Variants in ANKS1B observed in about 807,000 individuals in gnomAD.
The protein encoded by ANKS1B is ankyrin repeat and sterile alpha motif domain-containing protein 1B.
In ANKS1B, 36 loss-of-function variants were observed where a neutral mutation model predicts 148.3. That is an observed-to-expected ratio of 0.24 (90% CI 0.19 to 0.32). The LOEUF (loss-of-function observed/expected upper bound fraction) is 0.32, where lower values mean the gene tolerates loss of function less well. Among genes scored for constraint, ANKS1B ranks in the 10% least tolerant of loss-of-function variants. ANKS1B has a pLI of 1.00. For missense variants in ANKS1B, 1,157 were observed against 1,542.6 expected (o/e 0.75, Z 4.19); for synonymous variants, 542 against 560.8 (o/e 0.97, Z 0.47).
intron 17 of ANKS1B, among the ~76,000 whole-genome samples, chr12:98,869,682 T>TGCACATACACACATACAC (rs71081887): frequency 3.2e-4 from 49 of 151,516 alleles, no homozygotes; most frequent in African/African-American, 1.0e-3. Context: ...GTGGAATGCA[T>TGCACATACACACATACAC]ACATATGTAT....
At chr12:99,465,517 G>C (rs1375659776) in intron 10 of ANKS1B, among the ~76,000 whole-genome samples, 6 of 151,922 alleles carry the variant, frequency 3.9e-5, no homozygotes, top group Non-Finnish European at 7.4e-5. Context: ...AAAGAGTCAA[G>C]ACCCATCAGT....
chr12:99,015,453 T>C (rs559915549), intron 17 of ANKS1B, among the ~76,000 whole-genome samples: 4 of 152,184 alleles, frequency 2.6e-5, no homozygotes, highest in Non-Finnish European at 4.4e-5. Flanking sequence ...ATCTGTATGA[T>C]AACCCCCATG....
chr12:99,675,703 A>C (rs1186084679), intron 8 of ANKS1B, among the ~76,000 whole-genome samples: 3 of 151,914 alleles, frequency 2.0e-5, no homozygotes, highest in Non-Finnish European at 4.4e-5. Context: ...AAGATTTTTT[A>C]CTCAAGGATA....
chr12:99,691,464 C>G (rs997074496), intron 8 of ANKS1B, among the ~76,000 whole-genome samples: 10 of 152,166 alleles, frequency 6.6e-5, no homozygotes, highest in African/African-American at 2.4e-4. Context: ...GAAATTTCTT[C>G]CATCAGATAC....
chr12:99,517,667 G>A (rs2096835356), intron 9 of ANKS1B, among the ~76,000 whole-genome samples: 1 of 151,830 alleles, frequency 6.6e-6, no homozygotes, highest in Non-Finnish European at 1.5e-5. Context: ...TAGCCAACAA[G>A]AATACTTTGA....
chr12:99,676,104 T>A (rs2098566866), intron 8 of ANKS1B, among the ~76,000 whole-genome samples: 2 of 151,526 alleles, frequency 1.3e-5, no homozygotes, highest in Admixed American at 6.6e-5. Flanking sequence ...TCATAAGGGG[T>A]TTTTCCCCCT....
In ANKS1B at chr12:99,806,522, T is replaced by A. The variant is rs1406992828; in HGVS notation, c.551A>T (p.His184Leu). The A allele has an allele frequency of 6.8e-6, 11 of 1,613,836 alleles. No individual in the cohort carries two copies. Among genetic ancestry groups the A allele is most frequent in the Non-Finnish European group, 9.3e-6 (11 of 1,179,882 alleles). ...AGTGTTGCAGCTCATTAAGTTAGGA[T>A]GTGCACTGATGATCATTTTTACCAC... The part of the protein sequence containing the change: ...LRVVKMIISA[H>L]PNLMSCNTRK... Residue 184 changes from histidine (H) to leucine (L), a missense_variant, in exon 4 of 27, where the codon CAT (histidine) becomes CTT (leucine). Physicochemically the swap from His to Leu is moderately conservative, Grantham distance 99. This residue lies in a region of ANKS1B where 164 missense variants were observed against 232.6 expected (regional missense o/e 0.71). Coordinates refer to ENST00000683438, the MANE Select transcript of ANKS1B (RefSeq NM_001352186.2).
intron 11 of ANKS1B, among the ~76,000 whole-genome samples, chr12:99,429,488 C>G (rs890668456): frequency 1.3e-5 from 2 of 152,068 alleles, no homozygotes; most frequent in African/African-American, 4.8e-5. Flanking sequence ...TGAGATTGAA[C>G]AGGAATGAAA....
intron 12 of ANKS1B, among the ~76,000 whole-genome samples, chr12:99,270,408 T>C (rs2076913568): frequency 1.3e-5 from 2 of 152,160 alleles, no homozygotes; most frequent in Admixed American, 6.5e-5. Flanking sequence ...CCTCCAGTCA[T>C]TCCTATCTAA....
intron 9 of ANKS1B, among the ~76,000 whole-genome samples, chr12:99,513,187 G>A (rs369080802): frequency 9.7e-4 from 148 of 152,062 alleles, no homozygotes; most frequent in African/African-American, 3.3e-3. Flanking sequence ...TCATATGATC[G>A]TTGGCATGTT....
chr12:99,020,416 TA>T, intron 17 of ANKS1B, among the ~76,000 whole-genome samples: 1 of 152,260 alleles, frequency 6.6e-6, no homozygotes, highest in Non-Finnish European at 1.5e-5. Flanking sequence ...TAATTTTATC[TA>T]GTCAGAAACT....
intron 17 of ANKS1B, chr12:98,893,570 T>C (rs996830047): frequency 6.6e-6 from 1 of 152,232 alleles, no homozygotes; most frequent in Admixed American, 6.5e-5. Flanking sequence ...TCCAACACTA[T>C]TTCCTGTAGT....
At chr12:98,957,664 T>G (rs1221378192) in intron 17 of ANKS1B, among the ~76,000 whole-genome samples, 1 of 152,048 alleles carries the variant, frequency 6.6e-6, no homozygotes, top group Non-Finnish European at 1.5e-5. Context: ...TTTTAAATAG[T>G]AAAGCGTTAG....
intron 17 of ANKS1B, among the ~76,000 whole-genome samples, chr12:98,882,211 G>A (rs1048724767): frequency 1.3e-5 from 2 of 152,122 alleles, no homozygotes; most frequent in Admixed American, 6.5e-5. Flanking sequence ...TTCTGCCAAT[G>A]TTTTTAAACA....
intron 12 of ANKS1B, among the ~76,000 whole-genome samples, chr12:99,280,840 ATCTCTC>A (rs142595888): frequency 1.7e-4 from 24 of 144,526 alleles, no homozygotes; most frequent in South Asian, 1.6e-3. Context: ...CTTATAATAA[ATCTCTC>A]TCTCTCTCTC....
intron 17 of ANKS1B, among the ~76,000 whole-genome samples, chr12:98,850,762 C>A: frequency 6.8e-6 from 1 of 147,016 alleles, no homozygotes; most frequent in East Asian, 2.0e-4. Context: ...CCACCGCACC[C>A]GGCCCAGAGA....
chr12:99,959,227 A>ATTTTTTTTTTT (rs71088166), intron 1 of ANKS1B, among the ~76,000 whole-genome samples: 83 of 99,866 alleles, frequency 8.3e-4, no homozygotes, highest in East Asian at 2.8e-3. Flanking sequence ...CACCCAGTTA[A>ATTTTTTTTTTT]TTTTTTTTTT....
intron 12 of ANKS1B, among the ~76,000 whole-genome samples, chr12:99,343,416 C>A (rs569807198): frequency 6.6e-6 from 1 of 152,174 alleles, no homozygotes; most frequent in East Asian, 1.9e-4. Flanking sequence ...TTTAATATTA[C>A]TTTTCTTTAT....
chr12:98,857,283 T>A (rs957343144), intron 17 of ANKS1B, among the ~76,000 whole-genome samples: 6 of 152,226 alleles, frequency 3.9e-5, no homozygotes, highest in African/African-American at 1.4e-4. Flanking sequence ...TCTAGGCCAA[T>A]GCACCTGCAT....
Sources: gnomAD v4.1 joint callset for allele counts (sites outside exome capture counted in the v4.1 genomes callset) on GRCh38, gnomAD v4.1.1 for gene constraint, gnomAD v4.1.1 regional missense constraint, MANE v1.5 for transcripts, NCBI Gene and HGNC (gene_info 2026-07-23, HGNC 2026-07-21) for gene names.